LRP1B: variants seen among roughly 807,000 people sequenced by gnomAD.
LRP1B encodes the protein low-density lipoprotein receptor-related protein 1B.
In LRP1B, 217 loss-of-function variants were observed where a neutral mutation model predicts 556.6. That is an observed-to-expected ratio of 0.39 (90% CI 0.35 to 0.44). The LOEUF is 0.44. Ranked by LOEUF, LRP1B falls within the 20% of genes least tolerant of loss-of-function variation. The pLI is 1.00. For missense variants in LRP1B, 5,053 were observed against 5,620.8 expected, an observed-to-expected ratio of 0.90 and a Z score of 3.23; for synonymous variants, 2,047 against 1,865.8, an observed-to-expected ratio of 1.10 and a Z score of -2.50.
At chr2:141,432,900 T>C (rs1680615383) in intron 3 of LRP1B, among the ~76,000 whole-genome samples, 1 of 152,042 alleles carries the variant, frequency 6.6e-6, no homozygotes, top group South Asian at 2.1e-4. Context: ...TAATTTCCAC[T>C]CTAGTCTGTA....
At chr2:141,637,865 T>C (rs146260459) in intron 2 of LRP1B, among the ~76,000 whole-genome samples, 1 of 152,244 alleles carries the variant, frequency 6.6e-6, no homozygotes, top group East Asian at 1.9e-4. Context: ...CTTAGCAGCA[T>C]CTCCTTGGTG....
intron 39 of LRP1B, 126 bp downstream of exon 39, chr2:140,702,015 G>T: frequency 7.5e-7 from 1 of 1,324,982 alleles, no homozygotes; most frequent in Non-Finnish European, 1.0e-6. Flanking sequence ...CCTTTTCTGT[G>T]GAAATTACTG....
chr2:140,324,058 G>T lies in LRP1B; in HGVS notation c.12349C>A (p.His4117Asn). 6.3e-7 allele frequency: 1 copy of T among 1,599,210 alleles called. No individual in the cohort carries two copies. The highest frequency in any genetic ancestry group is 8.5e-7 in the Non-Finnish European group (1 of 1,169,922). The change falls in exon 81 of 91, where the codon CAT becomes AAT. Residue 4117 changes from histidine (H) to asparagine (N), a missense_variant. Around this residue, in one of 5 missense-constraint regions of LRP1B, gnomAD observed 551 missense variants for 592.0 expected, o/e 0.93. Transcript: ENST00000389484. ...TCAAAGATATCGATCCTATGTGGAT[G>T]TAATAAACCTGGAATTTTAAAAAGG... is the stretch of plus-strand genomic sequence containing the variant. ...VSVSSKQGLL[H>N]PHRIDIFEDY...
intron 43 of LRP1B, among the ~76,000 whole-genome samples, chr2:140,596,300 G>A (rs1682437452): frequency 6.6e-6 from 1 of 152,144 alleles, no homozygotes; most frequent in East Asian, 1.9e-4. Flanking sequence ...TATGTAAAGA[G>A]TATTTCAAAA....
At chr2:141,163,644 G>T (rs1370224223) in intron 7 of LRP1B, among the ~76,000 whole-genome samples, 1 of 151,994 alleles carries the variant, frequency 6.6e-6, no homozygotes, top group East Asian at 1.9e-4. Flanking sequence ...TTATGGTAGT[G>T]AATATATCTC....
rs569664884 is a variant in LRP1B, at chr2:140,705,824, G to A, written c.6024-3271C>T. 1.3e-4 allele frequency among the ~76,000 whole-genome samples: 20 copies of A among 152,130 alleles called. No individual in the cohort carries two copies. In the East Asian group the frequency reaches 3.7e-3, roughly 28 times the overall value. On this transcript the variant is annotated intron_variant, in intron 37 of 90. Transcript: ENST00000389484. The stretch of plus-strand genomic sequence containing the variant: ...ATGTGAAGCCAAATCTTTCTGTGTA[G>A]GACTCACTTTTAGAGTTAAATAATT...
intron 45 of LRP1B, among the ~76,000 whole-genome samples, chr2:140,540,218 G>T (rs1680082188): frequency 6.6e-6 from 1 of 152,108 alleles, no homozygotes; most frequent in African/African-American, 2.4e-5. Context: ...GACAAAAAAT[G>T]TATCAAATCT....
intron 18 of LRP1B, among the ~76,000 whole-genome samples, chr2:140,973,607 A>G (rs1358850634): frequency 6.6e-6 from 1 of 152,132 alleles, no homozygotes; most frequent in Non-Finnish European, 1.5e-5. Context: ...AAAACTCAAC[A>G]TGTCAGTTAC....
intron 3 of LRP1B, among the ~76,000 whole-genome samples, chr2:141,410,828 C>G (rs1690824366): frequency 2.0e-5 from 3 of 152,060 alleles, no homozygotes; most frequent in Admixed American, 2.0e-4. Context: ...AGAAATACTT[C>G]TTAGGGTTTT....
chr2:141,457,892 C>G (rs1328914853), intron 3 of LRP1B, among the ~76,000 whole-genome samples: 1 of 152,076 alleles, frequency 6.6e-6, no homozygotes, highest in Non-Finnish European at 1.5e-5. Flanking sequence ...GTTGATGAAG[C>G]AGAATTTGCA....
At chr2:141,234,435 G>C (rs1189518965) in intron 5 of LRP1B, among the ~76,000 whole-genome samples, 1 of 151,828 alleles carries the variant, frequency 6.6e-6, no homozygotes, top group East Asian at 1.9e-4. Context: ...AGAGTGCAGT[G>C]GCGTGACCTC....
chr2:140,731,906 C>T (rs916751435), intron 35 of LRP1B, among the ~76,000 whole-genome samples: 3 of 150,970 alleles, frequency 2.0e-5, no homozygotes, highest in Non-Finnish European at 2.9e-5. Context: ...AATTATATAT[C>T]AAATGTAAGT....
At chr2:142,122,033 T>A (rs1164074555) in intron 1 of LRP1B, among the ~76,000 whole-genome samples, 2 of 152,184 alleles carry the variant, frequency 1.3e-5, no homozygotes, top group Admixed American at 1.3e-4. Context: ...CATGATACGA[T>A]GTGTTTTCAC....
At chr2:140,400,274 C>G (rs2105226818) in intron 66 of LRP1B, among the ~76,000 whole-genome samples, 1 of 152,298 alleles carries the variant, frequency 6.6e-6, no homozygotes, top group African/African-American at 2.4e-5. Flanking sequence ...TCTTCCAGAG[C>G]AGCCCTAAAC....
At chr2:140,245,745 G>A (rs1681132830) in intron 87 of LRP1B, among the ~76,000 whole-genome samples, 1 of 151,082 alleles carries the variant, frequency 6.6e-6, no homozygotes, top group African/African-American at 2.4e-5. Context: ...TTTTTCTTTT[G>A]CATATCAAAT....
At chr2:141,343,156 T>A (rs1351154686) in intron 3 of LRP1B, among the ~76,000 whole-genome samples, 1 of 152,254 alleles carries the variant, frequency 6.6e-6, no homozygotes, top group East Asian at 1.9e-4. Flanking sequence ...AATTTACTAA[T>A]CTTCTATTCC....
At position 140,487,019 on chromosome 2, in the gene LRP1B, G is replaced by A. The variant is rs143716604; in HGVS notation, c.9243+598C>T. ...ACTTCTTTATAATATGTTTTAATGC[G>A]TATATATAGTATTAGTAATTTGATT... On this transcript the variant is annotated intron_variant, in intron 58 of 90. Coordinates refer to ENST00000389484, the MANE Select transcript of LRP1B (RefSeq NM_018557.3). Among the ~76,000 whole-genome samples, 230 of 151,914 alleles carry A rather than the reference G, an allele frequency of 1.5e-3. 1 individual carries two copies. The highest frequency in any genetic ancestry group is 3.4e-3 in the Middle Eastern group (1 of 294).
At chr2:141,326,953 A>G (rs1180547477) in intron 3 of LRP1B, among the ~76,000 whole-genome samples, 1 of 152,136 alleles carries the variant, frequency 6.6e-6, no homozygotes, top group African/African-American at 2.4e-5. Flanking sequence ...CGGCAGCAGG[A>G]CCTGTTTTTA....
At chr2:141,830,812 G>T (rs1216226137) in intron 1 of LRP1B, among the ~76,000 whole-genome samples, 1 of 151,818 alleles carries the variant, frequency 6.6e-6, no homozygotes, top group African/African-American at 2.4e-5. Context: ...AAGAGGACAA[G>T]ACACTGGGTC....
Sources: gnomAD v4.1 joint callset for allele counts (sites outside exome capture counted in the v4.1 genomes callset) on GRCh38, gnomAD v4.1.1 for gene constraint, gnomAD v4.1.1 regional missense constraint, MANE v1.5 for transcripts, NCBI Gene and HGNC (gene_info 2026-07-23, HGNC 2026-07-21) for gene names.